Variants in SLC44A5 observed in about 807,000 individuals in gnomAD.
The protein encoded by SLC44A5 is solute carrier family 44 member 5, also known as choline transporter-like protein 5.
SLC44A5 carries 57 observed loss-of-function variants against 101.8 expected under a neutral mutation model. The ratio of observed to expected loss-of-function variants is 0.56; its 90% CI spans 0.45 to 0.70. SLC44A5 has a LOEUF of 0.70. SLC44A5 is among the 30% of genes least tolerant of loss of function. SLC44A5 has a pLI of 0.00. For synonymous variants in SLC44A5, 281 were observed against 290.9 expected (o/e 0.97, Z 0.35); for missense variants, 737 against 853.1 (o/e 0.86, Z 1.70).
At chr1:75,522,343 T>C (rs966863860) in intron 2 of SLC44A5, 1 of 85,292 alleles carries the variant, frequency 1.2e-5, no homozygotes, top group African/African-American at 4.3e-5. Context: ...ATGAAAACAA[T>C]CAGGACTTTT....
At chr1:75,619,087 G>GGAA in the SLC44A5 span, among the ~76,000 whole-genome samples, 1 of 66,774 alleles carries the variant, frequency 1.5e-5, no homozygotes, top group African/African-American at 6.2e-5. Flanking sequence ...AAAGGGGGGG[G>GGAA]GGAAGGAAAG....
chr1:75,375,013 G>C (rs1483103235), intron 3 of SLC44A5, among the ~76,000 whole-genome samples: 1 of 152,188 alleles, frequency 6.6e-6, no homozygotes, highest in East Asian at 1.9e-4. Flanking sequence ...TAACCAGATT[G>C]AAATGTCTGA....
rs1647008257 is a variant in SLC44A5 at position 75,218,494 on chromosome 1, T to C, written c.1525A>G (p.Ile509Val). The change falls in exon 17 of 24, where the codon ATA (isoleucine) becomes GTA (valine). Residue 509 changes from isoleucine (I) to valine (V), a missense_variant. Physicochemically the swap from Ile to Val is conservative, Grantham distance 29. This residue lies in a region of SLC44A5 where 665 missense variants were observed against 764.4 expected (regional missense o/e 0.87). Coordinates refer to ENST00000370859, the MANE Select transcript of SLC44A5 (RefSeq NM_001130058.2). Reference protein sequence around the residue: ...YPLFTAFGRAIRYHTGSLAFG... With the variant: ...YPLFTAFGRAVRYHTGSLAFG... ...AGGCTTCAACTTGAAACTTACCGTA[T>C]GGCTCGTCCAAATGCAGTAAAAAGT... 6.2e-7 allele frequency: 1 copy of C among 1,613,528 alleles called. No individual in the cohort carries two copies. The highest frequency in any genetic ancestry group is 1.7e-5 in the Admixed American group (1 of 59,980).
At position 75,482,450 on chromosome 1, in the gene SLC44A5, A is replaced by T. The variant is rs531015605; in HGVS notation, c.13+58985T>A. 3.6e-4 allele frequency among the ~76,000 whole-genome samples: 55 copies of T among 152,178 alleles called. 1 individual carries two copies. Among genetic ancestry groups the T allele is most frequent in the African/African-American group, 1.3e-3 (55 of 41,552 alleles). On this transcript the variant is annotated intron_variant, in intron 2 of 23. Transcript: ENST00000370859. ...ATAAAATAAAAAATAAAAAAAAAGAATTCTACCTATTAACCAAAATACTGA... is the reference window on the plus strand; with the variant it reads ...ATAAAATAAAAAATAAAAAAAAAGATTTCTACCTATTAACCAAAATACTGA...
the SLC44A5 span, among the ~76,000 whole-genome samples, chr1:75,676,841 G>A: frequency 2.0e-5 from 3 of 152,048 alleles, no homozygotes; most frequent in African/African-American, 4.8e-5. Context: ...ACTCCCAAAC[G>A]TCAAGGATAA....
At chr1:75,407,408 TC>T (rs1557753578) in intron 2 of SLC44A5, among the ~76,000 whole-genome samples, 1 of 151,774 alleles carries the variant, frequency 6.6e-6, no homozygotes. Flanking sequence ...GCCAAGACAA[TC>T]CTAAACAAAA....
chr1:75,368,904 A>G (rs951078953), intron 3 of SLC44A5, among the ~76,000 whole-genome samples: 1 of 152,198 alleles, frequency 6.6e-6, no homozygotes. Flanking sequence ...ATGTATCAAC[A>G]TCATTAAAGT....
chr1:75,683,368 A>G, the SLC44A5 span, among the ~76,000 whole-genome samples: 1 of 152,162 alleles, frequency 6.6e-6, no homozygotes, highest in Non-Finnish European at 1.5e-5. Context: ...AATGTCCAAC[A>G]ATGATAGACT....
chr1:75,480,386 T>C (rs1043822677), intron 2 of SLC44A5, among the ~76,000 whole-genome samples: 13 of 152,166 alleles, frequency 8.5e-5, no homozygotes, highest in Non-Finnish European at 1.5e-4. Flanking sequence ...TAACATAGTG[T>C]TGGAAGTTCT....
Position 75,598,901 on chromosome 1 carries a change from C to A in SLC44A5, c.-70+12139G>T, listed in dbSNP as rs573603380. Among the ~76,000 whole-genome samples, 15 of 152,164 alleles carry A rather than the reference C, an allele frequency of 9.9e-5. No individual in the cohort carries two copies. In the East Asian group the frequency reaches 2.9e-3, roughly 29 times the overall value. The stretch of plus-strand genomic sequence containing the variant: ...ACACAAGTTCACCTATGTAACAAAC[C>A]TGCACATGTACCCCAAGCTTAAAAT... On this transcript the variant is annotated intron_variant, in intron 1 of 23. Transcript: ENST00000370859.
intron 4 of SLC44A5, among the ~76,000 whole-genome samples, chr1:75,303,890 C>T (rs1364498210): frequency 6.6e-6 from 1 of 151,866 alleles, no homozygotes; most frequent in Admixed American, 6.6e-5. Flanking sequence ...ACCAACATGG[C>T]GCATGTATAC....
intron 2 of SLC44A5, among the ~76,000 whole-genome samples, chr1:75,467,750 A>G (rs904285680): frequency 1.1e-4 from 16 of 152,118 alleles, no homozygotes; most frequent in African/African-American, 3.9e-4. Context: ...CTTCAGGGAA[A>G]CTCTCCAGGA....
intron 4 of SLC44A5, among the ~76,000 whole-genome samples, chr1:75,322,907 A>C (rs1656277998): frequency 1.3e-5 from 2 of 152,212 alleles, no homozygotes; most frequent in Non-Finnish European, 2.9e-5. Context: ...CTCATCCGAA[A>C]ATAGGAGACT....
At chr1:75,679,147 G>C in the SLC44A5 span, among the ~76,000 whole-genome samples, 1 of 152,208 alleles carries the variant, frequency 6.6e-6, no homozygotes, top group African/African-American at 2.4e-5. Context: ...TGGTGTACCT[G>C]AAAGTGATGG....
intron 3 of SLC44A5, among the ~76,000 whole-genome samples, chr1:75,349,739 T>C (rs541788306): frequency 6.6e-6 from 1 of 152,164 alleles, no homozygotes; most frequent in East Asian, 1.9e-4. Flanking sequence ...TGGGGTTAAA[T>C]AAAATGAGAA....
chr1:75,217,798 ATCAG>A, intron 18 of SLC44A5, 64 bp downstream of exon 18: 1 of 991,850 alleles, frequency 1.0e-6, no homozygotes, highest in Non-Finnish European at 1.6e-6. Context: ...AGTTATAATC[ATCAG>A]GTCTCCCCCA....
intron 3 of SLC44A5, among the ~76,000 whole-genome samples, chr1:75,388,703 C>T (rs1455847961): frequency 7.3e-5 from 11 of 151,408 alleles, no homozygotes; most frequent in South Asian, 4.2e-4. Context: ...GGCATGAACC[C>T]GGGAGGCAGA....
At chr1:75,413,013 A>G (rs1215256233) in intron 2 of SLC44A5, among the ~76,000 whole-genome samples, 2 of 152,144 alleles carry the variant, frequency 1.3e-5, no homozygotes, top group Non-Finnish European at 1.5e-5. Context: ...TCGTATAGCC[A>G]TTTTATTATC....
Position 75,576,596 on chromosome 1 carries a change from G to A in SLC44A5, c.-70+34444C>T, listed in dbSNP as rs547656621. 2.0e-5 allele frequency among the ~76,000 whole-genome samples: 3 copies of A among 152,238 alleles called. No individual in the cohort carries two copies. The East Asian group carries it at 5.8e-4, about 29-fold the overall frequency. On this transcript the variant is annotated intron_variant, in intron 1 of 23. Transcript: ENST00000370859. ...GCCTCCCAAACTGCTGGGATTACAG[G>A]CGTTGAGCCACCGCACCTGGCCTAA...
Sources: gnomAD v4.1 joint callset for allele counts (sites outside exome capture counted in the v4.1 genomes callset) on GRCh38, gnomAD v4.1.1 for gene constraint, gnomAD v4.1.1 regional missense constraint, MANE v1.5 for transcripts, NCBI Gene and HGNC (gene_info 2026-07-23, HGNC 2026-07-21) for gene names.